Variants in SCTR observed in about 807,000 individuals in gnomAD.
SCTR encodes pancreatic secretin receptor.
A neutral mutation model predicts 60.8 loss-of-function variants in SCTR; 56 were observed. The observed-to-expected ratio is 0.92, with a 90% CI of 0.74 to 1.15. SCTR has a LOEUF of 1.15. SCTR is among the 50% of genes most tolerant of loss of function. The probability of loss-of-function intolerance (pLI) is 0.00; values close to 1 mark genes in which losing one functional copy is unlikely to be tolerated. For missense variants in SCTR, 562 were observed against 550.4 expected (o/e 1.02, Z -0.21); for synonymous variants, 202 against 217.0 (o/e 0.93, Z 0.61).
At chr2:119,472,263 G>T (rs1006173686) in intron 4 of SCTR, among the ~76,000 whole-genome samples, 4 of 152,358 alleles carry the variant, frequency 2.6e-5, no homozygotes, top group African/African-American at 7.2e-5. Context: ...CCCTTCCCGT[G>T]GGGAGGGGAA....
intron 4 of SCTR, among the ~76,000 whole-genome samples, chr2:119,468,675 A>T (rs1683937570): frequency 6.6e-6 from 1 of 152,218 alleles, no homozygotes; most frequent in Admixed American, 6.5e-5. Context: ...TGGCTCAAAA[A>T]TTAGCTTTAT....
intron 3 of SCTR, among the ~76,000 whole-genome samples, chr2:119,474,630 T>G (rs1677187522): frequency 2.0e-5 from 3 of 152,198 alleles, no homozygotes; most frequent in African/African-American, 7.2e-5. Context: ...GTGGCATGCT[T>G]CTTTACACAG....
intron 11 of SCTR, among the ~76,000 whole-genome samples, chr2:119,444,121 G>A (rs1343238125): frequency 1.4e-5 from 2 of 144,150 alleles, no homozygotes; most frequent in African/African-American, 5.4e-5. Context: ...TCTCATGTGT[G>A]TGTATATATA....
chr2:119,482,958 A>C (rs916349793), intron 2 of SCTR, among the ~76,000 whole-genome samples: 1 of 152,204 alleles, frequency 6.6e-6, no homozygotes, highest in Admixed American at 6.5e-5. Context: ...CCTCTCTTGC[A>C]TTGGAAGCAG....
chr2:119,464,184 T>C lies in SCTR; in HGVS notation c.575A>G (p.Asn192Ser), dbSNP rs374741128. ...FVSFILRALSNFIKDAVLFSS... is the reference protein window; with the variant it reads ...FVSFILRALSSFIKDAVLFSS... ...GAAGAGCACGGCGTCCTTGATGAAG[T>C]TGGACAGGGCACGAAGGATGAAGGA... Residue 192 changes from asparagine (N) to serine (S), a missense_variant, in exon 6 of 13, where the codon AAC becomes AGC. Physicochemically the swap from Asn to Ser is conservative, Grantham distance 46. Coordinates refer to ENST00000019103, the MANE Select transcript of SCTR (RefSeq NM_002980.3). 1.5e-5 allele frequency: 24 copies of C among 1,613,980 alleles called. No individual in the cohort carries two copies. Among genetic ancestry groups the C allele is most frequent in the Middle Eastern group, 1.6e-4 (1 of 6,084 alleles).
In SCTR at chr2:119,505,481, G is replaced by GA. The variant is rs954198768; in HGVS notation, c.73-10934dup. ...AAAATTTAAAGTATAATAAAAAAAA[G>GA]AAAAAAAAATGTGGCACATATACAC... On this transcript the variant is annotated intron_variant, in intron 1 of 12. Coordinates refer to ENST00000019103, the MANE Select transcript of SCTR (RefSeq NM_002980.3). Among the ~76,000 whole-genome samples the GA allele has an allele frequency of 1.1e-4, 16 of 144,626 alleles. No homozygotes were observed. The South Asian group carries it at 1.8e-3, about 16-fold the overall frequency. The allele number at this position is 144,626 out of a possible 152,430, so 94.9% of individuals were successfully genotyped here.
chr2:119,515,715 AG>A (rs911908129), intron 1 of SCTR, among the ~76,000 whole-genome samples: 6 of 152,176 alleles, frequency 3.9e-5, no homozygotes, highest in African/African-American at 1.4e-4. Context: ...CTTCTGACTG[AG>A]TTCCACCATC....
At chr2:119,473,607 T>A in intron 3 of SCTR, 51 bp from the exon 4 acceptor site, 1 of 1,101,454 alleles carries the variant, frequency 9.1e-7, no homozygotes, top group Non-Finnish European at 1.4e-6. Flanking sequence ...GGCACTGTGA[T>A]TTTCATAGTA....
intron 2 of SCTR, among the ~76,000 whole-genome samples, chr2:119,482,369 G>T (rs1256731080): frequency 1.3e-5 from 2 of 152,210 alleles, no homozygotes; most frequent in Non-Finnish European, 2.9e-5. Context: ...GGACGCCTGT[G>T]GGGGCTTTGG....
intron 3 of SCTR, among the ~76,000 whole-genome samples, chr2:119,475,046 C>T (rs1456829923): frequency 6.6e-6 from 1 of 152,198 alleles, no homozygotes; most frequent in Non-Finnish European, 1.5e-5. Flanking sequence ...CATGAGAGCA[C>T]ACGGAAAATG....
chr2:119,497,912 A>G (rs998227412), intron 1 of SCTR, among the ~76,000 whole-genome samples: 7 of 152,180 alleles, frequency 4.6e-5, no homozygotes, highest in African/African-American at 1.7e-4. Context: ...CCTAGCATTC[A>G]TTTCTTAGGA....
intron 4 of SCTR, among the ~76,000 whole-genome samples, chr2:119,467,006 C>A (rs13430298): frequency 0.072 from 10,961 of 152,208 alleles, 1,288 homozygotes; most frequent in African/African-American, 0.25. Context: ...GCCAAGCAGG[C>A]ATTCACTTAT....
intron 4 of SCTR, among the ~76,000 whole-genome samples, chr2:119,472,168 G>A (rs1237318163): frequency 6.6e-6 from 1 of 152,212 alleles, no homozygotes; most frequent in East Asian, 1.9e-4. Flanking sequence ...TTTAGTGAGA[G>A]AGATGGAGGC....
chr2:119,453,702 C>T (rs949464154), intron 7 of SCTR, among the ~76,000 whole-genome samples: 1 of 152,196 alleles, frequency 6.6e-6, no homozygotes, highest in Non-Finnish European at 1.5e-5. Context: ...GGAGAGCCCC[C>T]TTCTCATACT....
At chr2:119,473,387 C>T (rs1677107873) in intron 4 of SCTR, 66 bp downstream of exon 4, 7 of 1,161,832 alleles carry the variant, frequency 6.0e-6, no homozygotes, top group East Asian at 4.7e-5. Flanking sequence ...GGCCTCCTCT[C>T]CCAGGGCCTC....
chr2:119,461,045 A>G (rs893893288), intron 7 of SCTR, among the ~76,000 whole-genome samples: 8 of 152,244 alleles, frequency 5.3e-5, no homozygotes, highest in African/African-American at 1.9e-4. Context: ...CACCAGCTTA[A>G]CTACAAAGCC....
chr2:119,501,980 G>A (rs190438970), intron 1 of SCTR, among the ~76,000 whole-genome samples: 4 of 152,316 alleles, frequency 2.6e-5, no homozygotes, highest in Admixed American at 2.0e-4. Flanking sequence ...CAGTGGCCAG[G>A]CGTAGTGGCT....
intron 1 of SCTR, among the ~76,000 whole-genome samples, chr2:119,509,636 T>C (rs1165352812): frequency 6.6e-6 from 1 of 152,150 alleles, no homozygotes; most frequent in Non-Finnish European, 1.5e-5. Flanking sequence ...ATCCAACAAT[T>C]CTTTTTTTTA....
intron 2 of SCTR, among the ~76,000 whole-genome samples, chr2:119,484,029 G>A (rs1399975822): frequency 1.3e-5 from 2 of 152,120 alleles, no homozygotes; most frequent in African/African-American, 4.8e-5. Context: ...CCTTCCCAGG[G>A]AGCCCTGGCA....
Sources: allele counts gnomAD v4.1 joint callset (sites outside exome capture counted in the v4.1 genomes callset), GRCh38; gene constraint gnomAD v4.1.1; transcripts MANE v1.5; gene names NCBI Gene and HGNC (gene_info 2026-07-23, HGNC 2026-07-21).